Variants in TRPM3 observed in about 807,000 individuals in gnomAD.
TRPM3 encodes the protein transient receptor potential cation channel subfamily M member 3, also known as long transient receptor potential channel 3.
Under a neutral mutation model 181.2 loss-of-function variants are expected in TRPM3, and 77 were observed. The ratio of observed to expected loss-of-function variants is 0.42; its 90% CI spans 0.35 to 0.51. The LOEUF is 0.51. TRPM3 is among the 20% of genes least tolerant of loss of function. The probability of loss-of-function intolerance (pLI) is 0.01; values close to 1 mark genes in which losing one functional copy is unlikely to be tolerated. For synonymous variants in TRPM3, 745 were observed against 796.4 expected (o/e 0.94, Z 1.09); for missense variants, 1,759 against 2,196.7 (o/e 0.80, Z 3.98).
At chr9:71,246,565 C>A (rs2082045606) in intron 1 of TRPM3, among the ~76,000 whole-genome samples, 1 of 152,196 alleles carries the variant, frequency 6.6e-6, no homozygotes, top group Non-Finnish European at 1.5e-5. Flanking sequence ...CAAACAATGG[C>A]TTTAACAAAC....
chr9:70,788,706 G>A (rs2084549587), intron 6 of TRPM3, among the ~76,000 whole-genome samples: 1 of 152,100 alleles, frequency 6.6e-6, no homozygotes, highest in Non-Finnish European at 1.5e-5. Flanking sequence ...ATCAGTGGGA[G>A]CCCTGAGCTT....
intron 1 of TRPM3, among the ~76,000 whole-genome samples, chr9:71,060,459 G>A (rs962630075): frequency 1.3e-5 from 2 of 152,106 alleles, no homozygotes; most frequent in Non-Finnish European, 2.9e-5. Context: ...ATTCTTGGAA[G>A]TTCAGTAACA....
chr9:70,771,448 C>T (rs2080245897), intron 7 of TRPM3, among the ~76,000 whole-genome samples: 1 of 151,808 alleles, frequency 6.6e-6, no homozygotes, highest in Non-Finnish European at 1.5e-5. Flanking sequence ...TCTTTCCTTC[C>T]TTCTTTACTT....
chr9:71,036,149 A>G (rs2058178107), intron 1 of TRPM3, among the ~76,000 whole-genome samples: 1 of 152,150 alleles, frequency 6.6e-6, no homozygotes, highest in South Asian at 2.1e-4. Context: ...TTGTCATGCT[A>G]CATTTTGACA....
At chr9:70,656,291 T>C (rs2060324069) in intron 9 of TRPM3, among the ~76,000 whole-genome samples, 1 of 152,258 alleles carries the variant, frequency 6.6e-6, no homozygotes, top group South Asian at 2.1e-4. Flanking sequence ...TTATGTAATG[T>C]TTAATAAATA....
chr9:70,570,078 T>C lies in TRPM3; in HGVS notation c.3224-16768A>G, dbSNP rs537679094. Among the ~76,000 whole-genome samples the C allele has an allele frequency of 1.2e-4, 19 of 152,204 alleles. No homozygotes were observed. The East Asian group carries it at 3.7e-3, about 29-fold the overall frequency. ...TGCACGTGTACATAAGTCTGAAATA[T>C]TTAGTGCTCAAGATTGGCGTTGCTT... is the stretch of plus-strand genomic sequence containing the variant. On this transcript the variant is annotated intron_variant, in intron 22 of 25. Coordinates refer to ENST00000677713, the MANE Select transcript of TRPM3 (RefSeq NM_001366145.2).
intron 1 of TRPM3, among the ~76,000 whole-genome samples, chr9:71,015,665 G>T (rs1040170564): frequency 6.6e-6 from 1 of 152,062 alleles, no homozygotes; most frequent in Non-Finnish European, 1.5e-5. Flanking sequence ...TATTAATTGG[G>T]TTCTCTCACA....
chr9:70,872,923 C>G (rs2095812719), intron 1 of TRPM3, among the ~76,000 whole-genome samples: 1 of 151,920 alleles, frequency 6.6e-6, no homozygotes, highest in Admixed American at 6.6e-5. Context: ...ATGGTACCAT[C>G]CTAAAAATGC....
chr9:71,098,694 T>A (rs879420394), intron 1 of TRPM3, among the ~76,000 whole-genome samples: 1 of 152,188 alleles, frequency 6.6e-6, no homozygotes, highest in Non-Finnish European at 1.5e-5. Context: ...CTGACCACAC[T>A]GGCCTGGAAG....
intron 3 of TRPM3, among the ~76,000 whole-genome samples, chr9:70,852,162 A>AAG (rs2095257188): frequency 7.0e-6 from 1 of 142,640 alleles, no homozygotes; most frequent in African/African-American, 2.6e-5. Context: ...AAAAGAGAGA[A>AAG]AAAAAATCCC....
chr9:70,637,058 T>C (rs1358520859), intron 11 of TRPM3, among the ~76,000 whole-genome samples: 1 of 152,172 alleles, frequency 6.6e-6, no homozygotes, highest in East Asian at 1.9e-4. Context: ...TGCCCATTCA[T>C]GTGGACGTGC....
chr9:71,105,422 G>T (rs907104773), intron 1 of TRPM3, among the ~76,000 whole-genome samples: 1 of 152,170 alleles, frequency 6.6e-6, no homozygotes, highest in Non-Finnish European at 1.5e-5. Context: ...GTGGTTAGGA[G>T]GCAGAAGACG....
At chr9:71,307,371 T>C (rs1241236796) in intron 1 of TRPM3, among the ~76,000 whole-genome samples, 2 of 152,182 alleles carry the variant, frequency 1.3e-5, no homozygotes, top group African/African-American at 2.4e-5. Flanking sequence ...TCTAACAGTA[T>C]TAAATTTAGA....
intron 1 of TRPM3, among the ~76,000 whole-genome samples, chr9:71,281,562 G>A (rs901867215): frequency 2.0e-5 from 3 of 152,150 alleles, no homozygotes; most frequent in East Asian, 3.8e-4. Flanking sequence ...TTAGAGCCAC[G>A]TCTGTCTTTC....
Position 71,111,697 on chromosome 9 carries a change from G to T in TRPM3, c.177+9481C>A, listed in dbSNP as rs146957331. Among the ~76,000 whole-genome samples the T allele has an allele frequency of 8.5e-5, 13 of 152,296 alleles. No homozygotes were observed. The East Asian group carries it at 2.5e-3, about 29-fold the overall frequency. ...TATCTGCCAGGTCCTAAATGTTCAA[G>T]TGATCCTTTATTTGTGGACTAGCAC... On this transcript the variant is annotated intron_variant, in intron 1 of 25. Coordinates refer to ENST00000677713, the MANE Select transcript of TRPM3 (RefSeq NM_001366145.2).
chr9:71,104,332 T>C (rs1344847129), intron 1 of TRPM3, among the ~76,000 whole-genome samples: 1 of 151,964 alleles, frequency 6.6e-6, no homozygotes, highest in African/African-American at 2.4e-5. Context: ...ATGTATAGCC[T>C]ACTTTAGACT....
At chr9:71,324,048 G>C (rs913527439) in intron 1 of TRPM3, among the ~76,000 whole-genome samples, 3 of 152,032 alleles carry the variant, frequency 2.0e-5, no homozygotes, top group African/African-American at 7.2e-5. Flanking sequence ...AATGCTCTTT[G>C]TCATGCACAA....
chr9:71,303,454 T>A (rs1017625372), intron 1 of TRPM3, among the ~76,000 whole-genome samples: 11 of 152,218 alleles, frequency 7.2e-5, no homozygotes, highest in African/African-American at 2.7e-4. Flanking sequence ...AAATATGTAA[T>A]AAAAATCTCA....
intron 8 of TRPM3, among the ~76,000 whole-genome samples, chr9:70,685,446 C>A (rs553525145): frequency 1.1e-4 from 16 of 152,254 alleles, no homozygotes; most frequent in Admixed American, 4.6e-4. Context: ...CACTCTGTTG[C>A]CCAGGCTGGA....
Sources: gnomAD v4.1 joint callset for allele counts (sites outside exome capture counted in the v4.1 genomes callset) on GRCh38, gnomAD v4.1.1 for gene constraint, MANE v1.5 for transcripts, NCBI Gene and HGNC (gene_info 2026-07-23, HGNC 2026-07-21) for gene names.